PPP2R2B: variants seen among roughly 807,000 people sequenced by gnomAD.
PPP2R2B encodes protein phosphatase 2 regulatory subunit Bbeta.
Under a neutral mutation model 46.0 loss-of-function variants are expected in PPP2R2B, and 5 were observed. The observed-to-expected ratio is 0.11, with a 90% CI of 0.06 to 0.23. The LOEUF is 0.23. Among genes scored for constraint, PPP2R2B ranks in the 10% least tolerant of loss-of-function variants. The probability of loss-of-function intolerance (pLI) is 1.00; values close to 1 mark genes in which losing one functional copy is unlikely to be tolerated. For missense variants in PPP2R2B, 367 were observed against 575.0 expected, an observed-to-expected ratio of 0.64 and a Z score of 3.70; for synonymous variants, 215 against 206.7, an observed-to-expected ratio of 1.04 and a Z score of -0.34.
upstream of PPP2R2B, among the ~76,000 whole-genome samples, chr5:147,058,206 G>A (rs1484682189): frequency 6.6e-6 from 1 of 152,128 alleles, no homozygotes; most frequent in Non-Finnish European, 1.5e-5. Flanking sequence ...AAAGCTTCTG[G>A]AAGATATTTT....
At chr5:146,667,328 GCGCGCACACACACACACACACACACA>G (rs1254481488) in intron 5 of PPP2R2B, among the ~76,000 whole-genome samples, 1 of 126,176 alleles carries the variant, frequency 7.9e-6, no homozygotes, top group Non-Finnish European at 1.6e-5. Context: ...ATAGGCGTGC[GCGCGCACACACACACACACACACACA>G]CACACACACA....
intron 1 of PPP2R2B, among the ~76,000 whole-genome samples, chr5:146,968,030 T>G (rs756673899): frequency 1.3e-4 from 20 of 152,112 alleles, no homozygotes; most frequent in Non-Finnish European, 1.5e-5. Context: ...TCTAGAACAA[T>G]CTTGCCAATT....
intron 1 of PPP2R2B, among the ~76,000 whole-genome samples, chr5:147,007,606 A>G (rs1270345416): frequency 2.0e-5 from 3 of 152,294 alleles, no homozygotes; most frequent in Admixed American, 6.5e-5. Context: ...GCTCTTCACA[A>G]TAAATCTTGC....
At chr5:146,808,994 T>TGCGCGC (rs1412776680) in intron 2 of PPP2R2B, among the ~76,000 whole-genome samples, 1 of 134,492 alleles carries the variant, frequency 7.4e-6, no homozygotes, top group East Asian at 2.1e-4. Flanking sequence ...TGTGTGTGTG[T>TGCGCGC]GCGCGCGCAC....
intron 2 of PPP2R2B, among the ~76,000 whole-genome samples, chr5:146,710,877 G>T (rs1194041639): frequency 6.6e-6 from 1 of 152,214 alleles, no homozygotes; most frequent in Admixed American, 6.5e-5. Context: ...TCTGGCACAT[G>T]TTTGGTCAGA....
chr5:146,729,046 G>T (rs1395085639), intron 2 of PPP2R2B, among the ~76,000 whole-genome samples: 2 of 152,166 alleles, frequency 1.3e-5, no homozygotes, highest in East Asian at 3.9e-4. Context: ...GAAGAAGAAA[G>T]GAAAATGTGG....
intron 4 of PPP2R2B, among the ~76,000 whole-genome samples, chr5:146,695,712 T>A (rs1779138215): frequency 6.6e-6 from 1 of 152,204 alleles, no homozygotes; most frequent in Admixed American, 6.5e-5. Context: ...TTTTTCTTTC[T>A]TCTTGCTGGT....
intron 2 of PPP2R2B, among the ~76,000 whole-genome samples, chr5:146,702,356 A>C (rs1480527224): frequency 6.6e-6 from 1 of 152,228 alleles, no homozygotes; most frequent in East Asian, 1.9e-4. Context: ...GTTAACAAAA[A>C]TAAGGCATAA....
chr5:146,752,938 A>G (rs1334901999), intron 2 of PPP2R2B, among the ~76,000 whole-genome samples: 2 of 152,148 alleles, frequency 1.3e-5, no homozygotes, highest in African/African-American at 4.8e-5. Context: ...CACAGGTGAA[A>G]CTTCTCTGAG....
intron 7 of PPP2R2B, among the ~76,000 whole-genome samples, chr5:146,633,836 G>A (rs1026945314): frequency 6.6e-6 from 1 of 152,146 alleles, no homozygotes; most frequent in Non-Finnish European, 1.5e-5. Context: ...TCTTCCCTGG[G>A]CTCTCCCCGT....
rs142771369 is a variant in PPP2R2B at position 146,793,964 on chromosome 5, T to C, written c.70+84038A>G. Reference sequence around the variant, plus strand: ...TTTCTAGGTGACCATGCCTAGACATTGATTCAGTAGATATTGAGTAGAGCT... The same window carrying C: ...TTTCTAGGTGACCATGCCTAGACATCGATTCAGTAGATATTGAGTAGAGCT... On this transcript the variant is annotated intron_variant, in intron 2 of 9. Coordinates refer to ENST00000394411, the MANE Select transcript of PPP2R2B (RefSeq NM_181675.4). 2.4e-3 allele frequency among the ~76,000 whole-genome samples: 369 copies of C among 152,308 alleles called. 2 individuals are homozygous for C. Among genetic ancestry groups the C allele is most frequent in the African/African-American group, 8.2e-3 (340 of 41,578 alleles).
chr5:146,742,025 AG>A (rs1318685489), intron 2 of PPP2R2B, among the ~76,000 whole-genome samples: 1 of 152,114 alleles, frequency 6.6e-6, no homozygotes, highest in African/African-American at 2.4e-5. Context: ...TAATTATCTC[AG>A]GGGCCAATCT....
At chr5:146,921,832 A>G (rs1193255139) in intron 1 of PPP2R2B, among the ~76,000 whole-genome samples, 1 of 152,216 alleles carries the variant, frequency 6.6e-6, no homozygotes, top group Non-Finnish European at 1.5e-5. Flanking sequence ...AAGTATAACA[A>G]CAAGTACTAC....
chr5:146,948,542 T>A (rs1021706402), intron 1 of PPP2R2B, among the ~76,000 whole-genome samples: 5 of 152,020 alleles, frequency 3.3e-5, no homozygotes, highest in Non-Finnish European at 7.4e-5. Flanking sequence ...AAAGAAGGCT[T>A]AAATTCTTTA....
At chr5:146,604,708 G>A (rs74584411) in intron 7 of PPP2R2B, among the ~76,000 whole-genome samples, 415 of 152,254 alleles carry the variant, frequency 2.7e-3, no homozygotes, top group Middle Eastern at 6.8e-3. Context: ...TCTAAGGAAG[G>A]TACTATCACT....
chr5:146,768,454 C>T (rs565927229), intron 2 of PPP2R2B, among the ~76,000 whole-genome samples: 1 of 152,132 alleles, frequency 6.6e-6, no homozygotes, highest in Non-Finnish European at 1.5e-5. Flanking sequence ...CCTCTTCTCA[C>T]TATCTCCACT....
chr5:146,918,315 T>A (rs1763467025), intron 1 of PPP2R2B: 1 of 152,308 alleles, frequency 6.6e-6, no homozygotes, highest in Non-Finnish European at 1.5e-5. Flanking sequence ...CCATGTTTGC[T>A]CCACCACAAA....
intron 8 of PPP2R2B, among the ~76,000 whole-genome samples, chr5:146,597,833 A>G (rs1435920902): frequency 6.6e-6 from 1 of 152,204 alleles, no homozygotes; most frequent in African/African-American, 2.4e-5. Flanking sequence ...CTTCATCTAT[A>G]TAAGAAAACT....
chr5:146,693,702 A>G (rs1054552695), intron 4 of PPP2R2B, among the ~76,000 whole-genome samples: 4 of 152,228 alleles, frequency 2.6e-5, no homozygotes, highest in African/African-American at 7.2e-5. Context: ...GGGAAACAGT[A>G]TCTTCCTCAT....
Sources: allele counts gnomAD v4.1 joint callset (sites outside exome capture counted in the v4.1 genomes callset), GRCh38; gene constraint gnomAD v4.1.1; transcripts MANE v1.5; gene names NCBI Gene and HGNC (gene_info 2026-07-23, HGNC 2026-07-21).